The following KMT2B variants were observed in gnomAD, a reference collection of about 807,000 sequenced individuals.
KMT2B encodes histone-lysine N-methyltransferase 2B.
Under a neutral mutation model 255.3 loss-of-function variants are expected in KMT2B, and 22 were observed. The ratio of observed to expected loss-of-function variants is 0.09; its 90% CI spans 0.06 to 0.12. KMT2B has a LOEUF of 0.12. Among genes scored for constraint, KMT2B ranks in the 10% least tolerant of loss-of-function variants. The pLI, the probability that KMT2B is intolerant of heterozygous loss-of-function variation, is 1.00. For missense variants in KMT2B, 3,149 were observed against 3,737.0 expected (o/e 0.84, Z 4.10); for synonymous variants, 1,730 against 1,498.1 (o/e 1.15, Z -3.57).
chr19:35,728,045 G>A, intron 18 of KMT2B, 53 bp from the exon 19 acceptor site: 1 of 1,559,224 alleles, frequency 6.4e-7, no homozygotes, highest in Non-Finnish European at 8.7e-7. Flanking sequence ...CCCTGCCCCT[G>A]CCAGCTCTCC....
Position 35,718,277 on chromosome 19 carries a change from C to G in KMT2B, c.259C>G (p.Pro87Ala). 1 of 1,222,146 alleles carries G rather than the reference C, an allele frequency of 8.2e-7. No homozygotes were observed. The highest frequency in any genetic ancestry group is 1.0e-6 in the Non-Finnish European group (1 of 973,272). The allele number at this position is 1,222,146 out of a possible 1,614,324, so 75.7% of individuals were successfully genotyped here. The change falls in exon 1 of 37, where the codon CCG becomes GCG. Residue 87 changes from proline to alanine, a missense_variant. Pro to Ala is a conservative substitution (Grantham distance 27). Transcript: ENST00000420124. The surrounding 1 kb of genome is among the most constrained non-coding windows in gnomAD (Gnocchi z 5.0). ...LRRLRRLWAG[P>A]RVQRGRGRGR... ...CCGGCTCCGCCGCCTGTGGGCCGGC[C>G]CGCGGGTCCAGCGGGGCCGGGGACG...
chr19:35,724,012 G>GT lies in KMT2B; in HGVS notation c.3334+5_3334+6insT. On this transcript the variant is annotated splice_donor_region_variant and intron_variant, in intron 8 of 36. Transcript: ENST00000420124. ...GTCGGACCCCCCGAGAAAATGGTGC[G>GT]AACTGCTTAATGCTTTCTCTGTTGA... 6.3e-7 allele frequency: 1 copy of GT among 1,578,932 alleles called. No individual in the cohort carries two copies. The highest frequency in any genetic ancestry group is 8.6e-7 in the Non-Finnish European group (1 of 1,163,014).
rs756797678 is a variant in KMT2B at position 35,727,641 on chromosome 19, G to T, written c.4302+19G>T. 6.2e-7 allele frequency: 1 copy of T among 1,611,830 alleles called. No homozygotes were observed. Among genetic ancestry groups the T allele is most frequent in the South Asian group, 1.1e-5 (1 of 91,056 alleles). ...CACCCAGGTCTGGAGGGCCCTGGAGGCAGGATGGGCCGGGGCTAGGCCCAC... is the reference window on the plus strand; with the variant it reads ...CACCCAGGTCTGGAGGGCCCTGGAGTCAGGATGGGCCGGGGCTAGGCCCAC... On this transcript the variant is annotated intron_variant, in intron 16 of 36. Transcript: ENST00000420124. This position sits in a 1 kb window ranked among gnomAD's most constrained non-coding sequence, Gnocchi z 4.2.
Position 35,733,479 on chromosome 19 carries a change from C to T in KMT2B, c.6930C>T (p.Thr2310=), listed in dbSNP as rs756357243. ...AAGATGGAGAGGCCTCAGAGGATAC[C>T]CCTCAGGTTCCAGGGCTTGGCAGTG... is the stretch of plus-strand genomic sequence containing the variant. The part of the protein sequence containing the change: ...LDEDGEASED[T]PQVPGLGSGG... The change falls in exon 28 of 37, where the codon ACC becomes ACT. Residue 2310 remains threonine, a synonymous_variant. Transcript: ENST00000420124. This position sits in a 1 kb window ranked among gnomAD's most constrained non-coding sequence, Gnocchi z 4.3. 82 of 1,564,774 alleles carry T rather than the reference C, an allele frequency of 5.2e-5. No individual in the cohort carries two copies. In the Admixed American group the frequency reaches 5.8e-4, roughly 11 times the overall value.
chr19:35,723,431 C>A lies in KMT2B; in HGVS notation c.3003-16C>A. The A allele has an allele frequency of 6.4e-7, 1 of 1,570,916 alleles. No homozygotes were observed. Among genetic ancestry groups the A allele is most frequent in the Non-Finnish European group, 8.6e-7 (1 of 1,158,348 alleles). ...ACCAGTCCCCTACCCTGGTGACGTGCTGCTCCCCTCCCCAGATACCGGAAG... is the reference window on the plus strand; with the variant it reads ...ACCAGTCCCCTACCCTGGTGACGTGATGCTCCCCTCCCCAGATACCGGAAG... On this transcript the variant is annotated splice_polypyrimidine_tract_variant and intron_variant, in intron 6 of 36. Transcript: ENST00000420124. The surrounding 1 kb of genome is among the most constrained non-coding windows in gnomAD (Gnocchi z 7.5).
chr19:35,729,837 G>A (rs1458699657), intron 22 of KMT2B, 130 bp from the exon 23 acceptor site: 6 of 861,854 alleles, frequency 7.0e-6, no homozygotes, highest in Non-Finnish European at 1.1e-5. Flanking sequence ...TGCGGCTGGG[G>A]AGAGGCTGCG....
In KMT2B at chr19:35,724,574, G is replaced by A. The variant is rs1336357293; in HGVS notation, c.3335-63G>A. The A allele has an allele frequency of 2.3e-6, 3 of 1,324,646 alleles. No individual in the cohort carries two copies. In the South Asian group the frequency reaches 3.8e-5, roughly 17 times the overall value. 82.1% of individuals were successfully genotyped at this position (1,324,646 alleles called of 1,614,324 possible). A position where few individuals can be genotyped will look rare whatever the true frequency, so the allele number is the denominator to read the frequency against. ...GCCCTGGGAATCCAGGTAACATTTGGGGTTGTAGAAGAAGAGGGGCGTGGA... is the reference window on the plus strand; with the variant it reads ...GCCCTGGGAATCCAGGTAACATTTGAGGTTGTAGAAGAAGAGGGGCGTGGA... On this transcript the variant is annotated intron_variant, in intron 8 of 36. Transcript: ENST00000420124.
rs1343381530 is a variant in KMT2B at position 35,729,144 on chromosome 19, C to A, written c.4780-15C>A. 1 of 1,613,882 alleles carries A rather than the reference C, an allele frequency of 6.2e-7. No individual in the cohort carries two copies. Among genetic ancestry groups the A allele is most frequent in the South Asian group, 1.1e-5 (1 of 91,064 alleles). On this transcript the variant is annotated splice_polypyrimidine_tract_variant and intron_variant, in intron 21 of 36. Transcript: ENST00000420124. ...CCTGGCCTCCCCACATCATGCCACT[C>A]CTCTTCTGCCCCAGGAGGCGGGGCG... is the stretch of plus-strand genomic sequence containing the variant.
In KMT2B at chr19:35,737,289, G is replaced by T; in HGVS notation, c.7550+26G>T. The T allele has an allele frequency of 7.5e-6, 11 of 1,471,642 alleles. No homozygotes were observed. Among genetic ancestry groups the T allele is most frequent in the Non-Finnish European group, 9.9e-6 (11 of 1,111,988 alleles). The allele number at this position is 1,471,642 out of a possible 1,614,324, so 91.2% of individuals were successfully genotyped here. A position where few individuals can be genotyped will look rare whatever the true frequency, so the allele number is the denominator to read the frequency against. ...GTGAGAGGTCTGGGGTGTGATGCCTGGGTCAGGGCGCCCCTATGAGAGCTC... is the reference window on the plus strand; with the variant it reads ...GTGAGAGGTCTGGGGTGTGATGCCTTGGTCAGGGCGCCCCTATGAGAGCTC... On this transcript the variant is annotated intron_variant, in intron 33 of 36. Coordinates refer to ENST00000420124, the MANE Select transcript of KMT2B (RefSeq NM_014727.3). This position sits in a 1 kb window ranked among gnomAD's most constrained non-coding sequence, Gnocchi z 5.3.
At position 35,727,592 on chromosome 19, in the gene KMT2B, G is replaced by A; in HGVS notation, c.4272G>A (p.Lys1424=). The A allele has an allele frequency of 6.2e-7, 1 of 1,606,244 alleles. No homozygotes were observed. The highest frequency in any genetic ancestry group is 1.7e-5 in the Admixed American group (1 of 59,678). ...TGCTCCAGGGCCTGCTGAGCTCCAA[G>A]GTGGTGGGCCCACTGCTGCTCTGCA... ...RQVLQGLLSS[K]VVGPLLLCTQ... The change falls in exon 16 of 37, where the codon AAG becomes AAA. Residue 1424 remains lysine, a synonymous_variant. Transcript: ENST00000420124. This position sits in a 1 kb window ranked among gnomAD's most constrained non-coding sequence, Gnocchi z 4.2.
At chr19:35,734,979 G>T (rs1050971603) in intron 30 of KMT2B, among the ~76,000 whole-genome samples, 22 of 152,194 alleles carry the variant, frequency 1.4e-4, no homozygotes, top group African/African-American at 4.8e-4. Context: ...TGTCCTCAGG[G>T]ATCAGACCAC....
rs746731367 is a variant in KMT2B, at chr19:35,737,957, G to T, written c.7742+15G>T. 2.2e-5 allele frequency: 36 copies of T among 1,604,248 alleles called. No individual in the cohort carries two copies. The highest frequency in any genetic ancestry group is 6.7e-5 in the East Asian group (3 of 44,548). On this transcript the variant is annotated intron_variant, in intron 35 of 36. Transcript: ENST00000420124. This position sits in a 1 kb window ranked among gnomAD's most constrained non-coding sequence, Gnocchi z 5.3. ...GGTGTCTACAGGTGAGTGGGGTTGG[G>T]GGGGAGGATGCCCCTTGGGTGGACG...
Position 35,718,944 on chromosome 19 carries a change from A to C in KMT2B, c.364-525A>C, listed in dbSNP as rs949558503. 6.6e-6 allele frequency among the ~76,000 whole-genome samples: 1 copy of C among 152,152 alleles called. No homozygotes were observed. Among genetic ancestry groups the C allele is most frequent in the Admixed American group, 6.5e-5 (1 of 15,280 alleles). ...GAGCTCAGCTCAGGATTTCTCCCCCAGCCTTTCAGAACAGGCAGGAAGGTG... is the reference window on the plus strand; with the variant it reads ...GAGCTCAGCTCAGGATTTCTCCCCCCGCCTTTCAGAACAGGCAGGAAGGTG... On this transcript the variant is annotated intron_variant, in intron 1 of 36. Coordinates refer to ENST00000420124, the MANE Select transcript of KMT2B (RefSeq NM_014727.3). The surrounding 1 kb of genome is among the most constrained non-coding windows in gnomAD (Gnocchi z 5.0).
Position 35,733,928 on chromosome 19 carries a change from C to A in KMT2B, c.7159+56C>A. 1 of 1,271,226 alleles carries A rather than the reference C, an allele frequency of 7.9e-7. No homozygotes were observed. The highest frequency in any genetic ancestry group is 1.3e-5 in the South Asian group (1 of 79,526). 78.7% of individuals were successfully genotyped at this position (1,271,226 alleles called of 1,614,324 possible). On this transcript the variant is annotated intron_variant, in intron 30 of 36. Coordinates refer to ENST00000420124, the MANE Select transcript of KMT2B (RefSeq NM_014727.3). The surrounding 1 kb of genome is among the most constrained non-coding windows in gnomAD (Gnocchi z 4.3). ...GCCTGTGCCTGGCTCAGCTGGGTGACTCACAGATGCAAAATCAGCCCTCTT... is the reference window on the plus strand; with the variant it reads ...GCCTGTGCCTGGCTCAGCTGGGTGAATCACAGATGCAAAATCAGCCCTCTT...
rs1008249304 is a variant in KMT2B, at chr19:35,720,787, G to A, written c.1440G>A (p.Ala480=). 17 of 1,486,650 alleles carry A rather than the reference G, an allele frequency of 1.1e-5. No homozygotes were observed. Among genetic ancestry groups the A allele is most frequent in the Middle Eastern group, 1.8e-4 (1 of 5,674 alleles). 92.1% of individuals were successfully genotyped at this position (1,486,650 alleles called of 1,614,324 possible). ...CTCCCCTGACTCCCAGCCAGCGGGCGGAGCGGGAAGCTGCTCGGGCAGGGC... is the reference window on the plus strand; with the variant it reads ...CTCCCCTGACTCCCAGCCAGCGGGCAGAGCGGGAAGCTGCTCGGGCAGGGC... ...GRPPLTPSQR[A]EREAARAGPE... The change falls in exon 3 of 37, where the codon GCG becomes GCA. Residue 480 remains alanine (A), a synonymous_variant. Transcript: ENST00000420124.
At chr19:35,736,331 C>T (rs1001467005) in intron 30 of KMT2B, 1 of 208,262 alleles carries the variant, frequency 4.8e-6, no homozygotes, top group African/African-American at 2.3e-5. Flanking sequence ...ATACAATTCT[C>T]CAGTATTTTA....
intron 8 of KMT2B, 55 bp from the exon 9 acceptor site, chr19:35,724,582 G>A (rs4441396): frequency 1.4e-6 from 2 of 1,413,510 alleles, no homozygotes; most frequent in Non-Finnish European, 2.0e-6. Context: ...TGGGGTTGTA[G>A]AAGAAGAGGG....
chr19:35,724,572 T>G (rs930447701), intron 8 of KMT2B, 65 bp from the exon 9 acceptor site: 7 of 1,316,368 alleles, frequency 5.3e-6, no homozygotes, highest in Admixed American at 2.0e-5. Flanking sequence ...AGGTAACATT[T>G]GGGGTTGTAG....
Position 35,737,285 on chromosome 19 carries a change from G to C in KMT2B, c.7550+22G>C. The C allele has an allele frequency of 6.8e-7, 1 of 1,478,166 alleles. No homozygotes were observed. The highest frequency in any genetic ancestry group is 9.0e-7 in the Non-Finnish European group (1 of 1,114,608). The allele number at this position is 1,478,166 out of a possible 1,614,324, so 91.6% of individuals were successfully genotyped here. A position where few individuals can be genotyped will look rare whatever the true frequency, so the allele number is the denominator to read the frequency against. ...TCCGGTGAGAGGTCTGGGGTGTGAT[G>C]CCTGGGTCAGGGCGCCCCTATGAGA... On this transcript the variant is annotated intron_variant, in intron 33 of 36. Transcript: ENST00000420124. This position sits in a 1 kb window ranked among gnomAD's most constrained non-coding sequence, Gnocchi z 5.3.
Sources: allele counts gnomAD v4.1 joint callset (sites outside exome capture counted in the v4.1 genomes callset), GRCh38; gene constraint gnomAD v4.1.1; non-coding constraint Gnocchi (gnomAD v3.1); transcripts MANE v1.5; gene names NCBI Gene and HGNC (gene_info 2026-07-23, HGNC 2026-07-21).